Variants in UBA6 observed in about 807,000 individuals in gnomAD.
The protein encoded by UBA6 is ubiquitin-like modifier-activating enzyme 6.
In UBA6, 87 loss-of-function variants were observed where a neutral mutation model predicts 148.3. That is an observed-to-expected ratio of 0.59 (90% CI 0.49 to 0.70). UBA6 has a LOEUF of 0.70. Among genes scored for constraint, UBA6 ranks in the 30% least tolerant of loss-of-function variants. UBA6 has a pLI of 0.00. For missense variants in UBA6, 1,186 were observed against 1,241.2 expected (o/e 0.96, Z 0.67); for synonymous variants, 376 against 401.0 (o/e 0.94, Z 0.75).
At chr4:67,683,341 A>T (rs1205060902) in intron 2 of UBA6, among the ~76,000 whole-genome samples, 1 of 152,128 alleles carries the variant, frequency 6.6e-6, no homozygotes, top group Non-Finnish European at 1.5e-5. Context: ...TTTGAATGAA[A>T]TTATTTATGA....
chr4:67,656,210 C>G (rs908788356), intron 13 of UBA6, among the ~76,000 whole-genome samples: 5 of 152,106 alleles, frequency 3.3e-5, no homozygotes, highest in African/African-American at 1.2e-4. Context: ...CCCCTGATAC[C>G]AAAGCCTGGC....
chr4:67,647,775 GTT>G (rs397878457), intron 14 of UBA6, among the ~76,000 whole-genome samples: 2 of 133,182 alleles, frequency 1.5e-5, no homozygotes, highest in Middle Eastern at 3.6e-3. Flanking sequence ...TTCTCATGGT[GTT>G]TTTTTTTTTT....
intron 15 of UBA6, 36 bp downstream of exon 15, chr4:67,646,688 G>A: frequency 6.7e-7 from 1 of 1,502,630 alleles, no homozygotes; most frequent in Non-Finnish European, 9.2e-7. Flanking sequence ...AAATCTATTT[G>A]CCTGTTAGTA....
At chr4:67,685,641 C>T (rs892056619) in intron 2 of UBA6, among the ~76,000 whole-genome samples, 2 of 152,152 alleles carry the variant, frequency 1.3e-5, no homozygotes, top group African/African-American at 4.8e-5. Flanking sequence ...TACGTAGGAC[C>T]TAATGGGAGG....
chr4:67,689,724 AC>A (rs143091980), intron 2 of UBA6, among the ~76,000 whole-genome samples: 2,941 of 151,998 alleles, frequency 0.019, 71 homozygotes, highest in East Asian at 0.1. Context: ...TACCATCTGC[AC>A]CTTTTTCAGA....
At chr4:67,652,147 T>C (rs537660705) in intron 13 of UBA6, among the ~76,000 whole-genome samples, 1 of 152,296 alleles carries the variant, frequency 6.6e-6, no homozygotes, top group South Asian at 2.1e-4. Flanking sequence ...AGTATTCTTT[T>C]TGTGATTTGA....
intron 12 of UBA6, 186 bp from the exon 13 acceptor site, chr4:67,662,441 A>G (rs1044659285): frequency 2.0e-6 from 1 of 499,754 alleles, no homozygotes; most frequent in Non-Finnish European, 3.5e-6. Context: ...AATCACACTT[A>G]TATCAGTATA....
At chr4:67,696,814 T>C (rs1730851532) in intron 1 of UBA6, 107 bp from the exon 2 acceptor site, 9 of 754,636 alleles carry the variant, frequency 1.2e-5, no homozygotes, top group Non-Finnish European at 1.9e-5. Flanking sequence ...AAACCAAACA[T>C]ATATTTTATT....
chr4:67,636,551 C>T (rs1729146088), intron 19 of UBA6, among the ~76,000 whole-genome samples: 1 of 152,148 alleles, frequency 6.6e-6, no homozygotes, highest in Non-Finnish European at 1.5e-5. Context: ...ACCGCCACGC[C>T]TGACTGGTTT....
chr4:67,650,169 T>A (rs1729518804), intron 13 of UBA6, among the ~76,000 whole-genome samples: 1 of 152,166 alleles, frequency 6.6e-6, no homozygotes, highest in Non-Finnish European at 1.5e-5. Flanking sequence ...TTAAAAACAA[T>A]GATGAGAATG....
chr4:67,671,588 T>A (rs190229226), intron 7 of UBA6, among the ~76,000 whole-genome samples: 1 of 152,320 alleles, frequency 6.6e-6, no homozygotes, highest in Admixed American at 6.5e-5. Context: ...TGCCCTATTG[T>A]AAGTTCAGTG....
At position 67,612,928 on chromosome 4, in the gene UBA6, T is replaced by A. The variant is rs1728565371; in HGVS notation, c.*6069A>T. On this transcript the variant is annotated 3_prime_UTR_variant, in exon 33 of 33. Transcript: ENST00000322244. ...ATGAACCATTCATTTGGGACCACTG[T>A]GTTAGGAGTATTTATAGATTGCAAA... 1 of 152,216 alleles carries A rather than the reference T, an allele frequency of 6.6e-6. No homozygotes were observed. Among genetic ancestry groups the A allele is most frequent in the South Asian group, 2.1e-4 (1 of 4,830 alleles). The allele number at this position is 152,216 out of a possible 1,614,324, so 9.4% of individuals were successfully genotyped here.
chr4:67,641,837 G>A (rs752488038), intron 17 of UBA6, among the ~76,000 whole-genome samples: 3 of 151,998 alleles, frequency 2.0e-5, no homozygotes, highest in Admixed American at 6.6e-5. Flanking sequence ...ATTTGCAATC[G>A]TGTCCTTTAA....
chr4:67,646,230 G>A (rs1729419238), intron 15 of UBA6, among the ~76,000 whole-genome samples: 1 of 152,122 alleles, frequency 6.6e-6, no homozygotes, highest in Non-Finnish European at 1.5e-5. Context: ...TGACTTAAGT[G>A]AAGGTGACTT....
intron 29 of UBA6, 68 bp downstream of exon 29, chr4:67,624,926 T>G: frequency 7.7e-7 from 1 of 1,300,714 alleles, no homozygotes; most frequent in Non-Finnish European, 1.1e-6. Flanking sequence ...ACTGGGTTGG[T>G]ATGACGGGGA....
chr4:67,658,429 T>C (rs1321092094), intron 13 of UBA6, among the ~76,000 whole-genome samples: 1 of 151,972 alleles, frequency 6.6e-6, no homozygotes, highest in Admixed American at 6.6e-5. Context: ...AAACAAACTG[T>C]AGTACATCTA....
At position 67,663,212 on chromosome 4, in the gene UBA6, G is replaced by A. The variant is rs775926568; in HGVS notation, c.964C>T (p.Pro322Ser). 3.1e-6 allele frequency: 5 copies of A among 1,608,284 alleles called. 1 individual carries two copies. In the South Asian group the frequency reaches 5.6e-5, roughly 18 times the overall value. ...AGCATAGCTGTGTGAATCTCTAAAG[G>A]TGCCTATTGAGAACATTAAAAATCG... is the stretch of plus-strand genomic sequence containing the variant. ...LIVDFSNPEA[P>S]LEIHTAMLAL... Residue 322 changes from proline to serine, a missense_variant, in exon 12 of 33, where the codon CCT (proline) becomes TCT (serine). Physicochemically the swap from Pro to Ser is moderately conservative, Grantham distance 74. Coordinates refer to ENST00000322244, the MANE Select transcript of UBA6 (RefSeq NM_018227.6).
chr4:67,693,009 G>C (rs560558630), intron 2 of UBA6, among the ~76,000 whole-genome samples: 1 of 152,270 alleles, frequency 6.6e-6, no homozygotes, highest in African/African-American at 2.4e-5. Flanking sequence ...AGGAGGATCA[G>C]TATTGTATAG....
At position 67,668,502 on chromosome 4, in the gene UBA6, T is replaced by C. The variant is rs766587034; in HGVS notation, c.793+49A>G. 5 of 1,554,354 alleles carry C rather than the reference T, an allele frequency of 3.2e-6. No individual in the cohort carries two copies. In the South Asian group the frequency reaches 3.4e-5, roughly 11 times the overall value. On this transcript the variant is annotated intron_variant, in intron 9 of 32. Coordinates refer to ENST00000322244, the MANE Select transcript of UBA6 (RefSeq NM_018227.6). ...TTCCCAACACTTAGTGTCTGAACTA[T>C]AAATTTGCTGAATAAGTATAAATGA...
Sources: allele counts gnomAD v4.1 joint callset (sites outside exome capture counted in the v4.1 genomes callset), GRCh38; gene constraint gnomAD v4.1.1; transcripts MANE v1.5; gene names NCBI Gene and HGNC (gene_info 2026-07-23, HGNC 2026-07-21).